Variants in ZNF493 observed in about 807,000 individuals in gnomAD.
ZNF493 encodes the protein zinc finger protein 493.
ZNF493 carries 11 observed loss-of-function variants against 12.2 expected under a neutral mutation model. That is an observed-to-expected ratio of 0.90 (90% CI 0.57 to 1.50). The LOEUF is 1.50. Among genes scored for constraint, ZNF493 ranks in the 40% most tolerant of loss-of-function variants. ZNF493 has a pLI of 0.00. For missense variants in ZNF493, 950 were observed against 906.6 expected, an observed-to-expected ratio of 1.05 and a Z score of -0.61; for synonymous variants, 286 against 302.6, an observed-to-expected ratio of 0.95 and a Z score of 0.57.
At position 21,422,966 on chromosome 19, in the gene ZNF493, T is replaced by G; in HGVS notation, c.307T>G (p.Ser103Ala). The G allele has an allele frequency of 6.3e-7, 1 of 1,597,026 alleles. No homozygotes were observed. The highest frequency in any genetic ancestry group is 8.5e-7 in the Non-Finnish European group (1 of 1,173,410). The stretch of plus-strand genomic sequence containing the variant: ...TTGCCCAGGGCCAGGCATTAAAGAT[T>G]CTTTTCAAAAAGTGATACTGAGAGA... Reference protein sequence around the residue: ...DFCPGPGIKDSFQKVILREYV... With the variant: ...DFCPGPGIKDAFQKVILREYV... The change falls in exon 4 of 4, where the codon TCT (serine) becomes GCT (alanine). Residue 103 changes from serine to alanine, a missense_variant. Ser to Ala is a moderately conservative substitution (Grantham distance 99, BLOSUM62 1). Transcript: ENST00000392288.
intron 1 of ZNF493, 25 bp from the exon 2 acceptor site, chr19:21,405,104 G>C: frequency 1.2e-6 from 2 of 1,609,230 alleles, no homozygotes. Flanking sequence ...GTGTGTGTGT[G>C]TGTGTTTGTG....
At position 21,401,531 on chromosome 19, in the gene ZNF493, C is replaced by T. The variant is rs76515103; in HGVS notation, c.31-3598C>T. ...TGAAATAATCTTAGTAGGAGTGGTA[C>T]CAGCTCTTACTTTACATCTGGTAGA... On this transcript the variant is annotated intron_variant, in intron 1 of 3. Coordinates refer to ENST00000392288, the MANE Select transcript of ZNF493 (RefSeq NM_001076678.3). Among the ~76,000 whole-genome samples the T allele has an allele frequency of 7.9e-5, 12 of 152,092 alleles. No homozygotes were observed. The East Asian group carries it at 2.3e-3, about 29-fold the overall frequency.
chr19:21,413,374 C>A, intron 3 of ZNF493: 1 of 405,930 alleles, frequency 2.5e-6, no homozygotes, highest in South Asian at 1.1e-4. Flanking sequence ...TGTGTCAGCC[C>A]TTGTTGAAGG....
intron 2 of ZNF493, 64 bp downstream of exon 2, chr19:21,405,319 A>T: frequency 6.4e-7 from 1 of 1,556,458 alleles, no homozygotes; most frequent in East Asian, 2.3e-5. Context: ...CTGTTTTCAT[A>T]GAATAATTTT....
intron 3 of ZNF493, chr19:21,413,168 AT>A (rs1018815689): frequency 3.3e-6 from 1 of 307,274 alleles, no homozygotes; most frequent in Admixed American, 4.7e-5. Context: ...AAAGAAGTAC[AT>A]TCATTTTTTC....
At chr19:21,405,909 A>T in intron 3 of ZNF493, 53 bp downstream of exon 3, 3 of 816,420 alleles carry the variant, frequency 3.7e-6, no homozygotes, top group Non-Finnish European at 5.3e-6. Flanking sequence ...GAAAGATTTA[A>T]AAAAAAAAAA....
At chr19:21,420,102 A>G (rs984882406) in intron 3 of ZNF493, among the ~76,000 whole-genome samples, 7 of 147,498 alleles carry the variant, frequency 4.7e-5, no homozygotes, top group Non-Finnish European at 9.3e-5. Context: ...TCAACCCCAG[A>G]CACTGAATCT....
intron 1 of ZNF493, among the ~76,000 whole-genome samples, chr19:21,404,211 A>G (rs1204626009): frequency 1.3e-5 from 2 of 152,232 alleles, no homozygotes; most frequent in African/African-American, 4.8e-5. Flanking sequence ...AAAATTGCAG[A>G]ACATAGAAGA....
At position 21,405,143 on chromosome 19, in the gene ZNF493, TAGGGATGTGGCC is replaced by T; in HGVS notation, c.47_58del (p.Arg16_Ala19del). ...GTTTGTTTCAGGGGCCGTTGACATT[TAGGGATGTGGCC>T]ATAGAATTCTCTCTGGAGGAGTGGC... On this transcript the variant is annotated inframe_deletion, in exon 2 of 4. Transcript: ENST00000392288. The T allele has an allele frequency of 6.2e-7, 1 of 1,613,824 alleles. No homozygotes were observed. The highest frequency in any genetic ancestry group is 8.5e-7 in the Non-Finnish European group (1 of 1,179,932).
intron 3 of ZNF493, chr19:21,408,091 G>C (rs1441036959): frequency 1.0e-6 from 1 of 980,656 alleles, no homozygotes; most frequent in Admixed American, 6.3e-5. Flanking sequence ...TGTTACAAGA[G>C]GCTTGGGTAG....
In ZNF493 at chr19:21,423,378, A is replaced by G. The variant is rs1236864029; in HGVS notation, c.719A>G (p.Tyr240Cys). The change falls in exon 4 of 4, where the codon TAT (tyrosine) becomes TGT (cysteine). Residue 240 changes from tyrosine (Y) to cysteine (C), a missense_variant. Transcript: ENST00000392288. The stretch of plus-strand genomic sequence containing the variant: ...CATACTGGAGAGAAATCCTACAAAT[A>G]TGAATGTGGCAAATCTTTTAACCAG... ...RVHTGEKSYK[Y>C]ECGKSFNQDS... 4 of 1,613,166 alleles carry G rather than the reference A, an allele frequency of 2.5e-6. No individual in the cohort carries two copies. The highest frequency in any genetic ancestry group is 1.7e-6 in the Non-Finnish European group (2 of 1,179,708).
Position 21,424,010 on chromosome 19 carries a change from CAT to C in ZNF493, c.1353_1354del (p.His451GlnfsTer13). ...TFSVFSILTK[H>X]KIIHTEEKPY... ...TAGTGTATTCTCAATTCTTACTAAACATAAAATAATTCATACAGAAGAGAAAC... is the reference window on the plus strand; with the variant it reads ...TAGTGTATTCTCAATTCTTACTAAACAAAATAATTCATACAGAAGAGAAAC... On this transcript the variant is annotated frameshift_variant, in exon 4 of 4. Coordinates refer to ENST00000392288, the MANE Select transcript of ZNF493 (RefSeq NM_001076678.3). LOFTEE classifies it low-confidence loss of function (END_TRUNC). 6.2e-7 allele frequency: 1 copy of C among 1,613,400 alleles called. No homozygotes were observed. The highest frequency in any genetic ancestry group is 8.5e-7 in the Non-Finnish European group (1 of 1,179,764).
In ZNF493 at chr19:21,424,721, G is replaced by GA; in HGVS notation, c.2067dup (p.Cys690MetfsTer12). On this transcript the variant is annotated frameshift_variant, in exon 4 of 4. Coordinates refer to ENST00000392288, the MANE Select transcript of ZNF493 (RefSeq NM_001076678.3). LOFTEE classifies it low-confidence loss of function (END_TRUNC). Reference sequence around the variant, plus strand: ...TACTGAAGAGAAACCCTACAAATGTGAAAAATGTGGCAAAACTTTCTACCG... The same window carrying GA: ...TACTGAAGAGAAACCCTACAAATGTGAAAAAATGTGGCAAAACTTTCTACCG... 6.2e-7 allele frequency: 1 copy of GA among 1,613,314 alleles called. No homozygotes were observed. The highest frequency in any genetic ancestry group is 8.5e-7 in the Non-Finnish European group (1 of 1,179,604).
At chr19:21,412,955 T>C in intron 3 of ZNF493, 1 of 420,848 alleles carries the variant, frequency 2.4e-6, no homozygotes, top group South Asian at 1.7e-5. Flanking sequence ...CTGCCATGGT[T>C]CCAGATAATA....
In ZNF493 at chr19:21,425,059, C is replaced by T. The variant is rs2030819230; in HGVS notation, c.*75C>T. On this transcript the variant is annotated 3_prime_UTR_variant, in exon 4 of 4. Transcript: ENST00000392288. ...GGCAAAGCTTTTCACCAGTACTTTA[C>T]CCTTAATACACATAAGATAATTAAT... 2 of 1,474,618 alleles carry T rather than the reference C, an allele frequency of 1.4e-6. No homozygotes were observed. The highest frequency in any genetic ancestry group is 2.4e-5 in the South Asian group (2 of 82,672). The allele number at this position is 1,474,618 out of a possible 1,614,324, so 91.3% of individuals were successfully genotyped here. A position where few individuals can be genotyped will look rare whatever the true frequency, so the allele number is the denominator to read the frequency against.
chr19:21,424,252 C>A lies in ZNF493; in HGVS notation c.1593C>A (p.Thr531=), dbSNP rs901786929. ...GCAAAGCTTTTAAACGATCTTCAAC[C>A]CTTACTATACATAAAATGATTCACA... ...ECGKAFKRSS[T]LTIHKMIHTG... Residue 531 remains threonine, a synonymous_variant, in exon 4 of 4, where the codon ACC becomes ACA. Transcript: ENST00000392288. 4 of 1,611,842 alleles carry A rather than the reference C, an allele frequency of 2.5e-6. No individual in the cohort carries two copies. The highest frequency in any genetic ancestry group is 3.3e-5 in the Admixed American group (2 of 59,798).
intron 1 of ZNF493, 27 bp from the exon 2 acceptor site, chr19:21,405,102 G>A: frequency 6.2e-7 from 1 of 1,609,004 alleles, no homozygotes; most frequent in South Asian, 1.1e-5. Flanking sequence ...GTGTGTGTGT[G>A]TGTGTGTTTG....
At chr19:21,413,525 G>A (rs35773446) in intron 3 of ZNF493, 217,072 of 401,078 alleles carry the variant, frequency 0.54, 59,513 homozygotes, top group East Asian at 0.63. Context: ...GGCTGTGTTC[G>A]ACGTGTGTTG....
In ZNF493 at chr19:21,424,429, A is replaced by G. The variant is rs1289803259; in HGVS notation, c.1770A>G (p.Lys590=). 5.6e-6 allele frequency: 9 copies of G among 1,613,278 alleles called. No homozygotes were observed. Among genetic ancestry groups the G allele is most frequent in the Non-Finnish European group, 6.8e-6 (8 of 1,179,732 alleles). ...KSFSVFSTLT[K]HKIIHTDKKP... ...TTAGTGTATTCTCAACCCTTACTAA[A>G]CACAAGATAATTCATACTGATAAGA... The change falls in exon 4 of 4, where the codon AAA becomes AAG. Residue 590 remains lysine, a synonymous_variant. Transcript: ENST00000392288.
Sources: gnomAD v4.1 joint callset for allele counts (sites outside exome capture counted in the v4.1 genomes callset) on GRCh38, gnomAD v4.1.1 for gene constraint, MANE v1.5 for transcripts, NCBI Gene and HGNC (gene_info 2026-07-23, HGNC 2026-07-21) for gene names.